Variants in ANO4 observed in about 807,000 individuals in gnomAD.
ANO4 encodes anoctamin-4.
ANO4 carries 69 observed loss-of-function variants against 141.9 expected under a neutral mutation model. That is an observed-to-expected ratio of 0.49 (90% confidence interval 0.40 to 0.59). ANO4 has a LOEUF of 0.59. ANO4 is among the 20% of genes least tolerant of loss of function. The pLI, the probability that ANO4 is intolerant of heterozygous loss-of-function variation, is 0.00. For synonymous variants in ANO4, 350 were observed against 394.3 expected, an observed-to-expected ratio of 0.89 and a Z score of 1.33; for missense variants, 894 against 1,162.2, an observed-to-expected ratio of 0.77 and a Z score of 3.36.
At chr12:100,760,843 G>A (rs2032826992) in intron 3 of ANO4, among the ~76,000 whole-genome samples, 2 of 152,138 alleles carry the variant, frequency 1.3e-5, no homozygotes, top group Admixed American at 1.3e-4. Context: ...CTTGCCATCT[G>A]TACCTTTTGG....
chr12:101,016,729 A>G (rs530200520), intron 8 of ANO4, among the ~76,000 whole-genome samples: 38 of 152,344 alleles, frequency 2.5e-4, no homozygotes, highest in African/African-American at 8.2e-4. Context: ...GACAGCTTTC[A>G]TGGAATGTAA....
At position 101,042,422 on chromosome 12, in the gene ANO4, T is replaced by C. The variant is rs2047444201; in HGVS notation, c.1108T>C (p.Phe370Leu). 6.2e-7 allele frequency: 1 copy of C among 1,614,124 alleles called. No homozygotes were observed. The highest frequency in any genetic ancestry group is 2.2e-5 in the East Asian group (1 of 44,880). Residue 370 changes from phenylalanine to leucine, a missense_variant, in exon 12 of 28, where the codon TTT becomes CTT. Coordinates refer to ENST00000392977, the MANE Select transcript of ANO4 (RefSeq NM_001286615.2). Reference protein sequence around the residue: ...MLFPAAFIGLFVFLYGVTTLD... With the variant: ...MLFPAAFIGLLVFLYGVTTLD... ...CTTCCCAGCTGCCTTCATTGGATTG[T>C]TTGTCTTTTTGTATGGCGTCACCAC...
chr12:100,850,067 T>G (rs1859282251), intron 1 of ANO4, among the ~76,000 whole-genome samples: 1 of 152,248 alleles, frequency 6.6e-6, no homozygotes, highest in Admixed American at 6.5e-5. Context: ...AAGCAACCAT[T>G]GAGGCTGAAT....
chr12:101,047,311 C>A (rs1017890442), intron 13 of ANO4, among the ~76,000 whole-genome samples: 1 of 152,012 alleles, frequency 6.6e-6, no homozygotes, highest in Non-Finnish European at 1.5e-5. Context: ...AGTCAAATAC[C>A]GCTAGAACCT....
chr12:100,774,216 G>C (rs1377151625), intron 3 of ANO4, among the ~76,000 whole-genome samples: 1 of 152,076 alleles, frequency 6.6e-6, no homozygotes. Flanking sequence ...GTGAATCTCT[G>C]GTTGAGAAAA....
chr12:100,811,727 AC>A (rs909380929), intron 1 of ANO4, among the ~76,000 whole-genome samples: 1 of 152,124 alleles, frequency 6.6e-6, no homozygotes, highest in African/African-American at 2.4e-5. Flanking sequence ...TGTACAGTAA[AC>A]CATGCACAGT....
chr12:100,771,022 G>A (rs1198350329), intron 3 of ANO4, among the ~76,000 whole-genome samples: 1 of 152,056 alleles, frequency 6.6e-6, no homozygotes, highest in African/African-American at 2.4e-5. Context: ...TTGTATCATT[G>A]AATATGCCGA....
At chr12:101,077,397 C>T (rs1218446322) in intron 14 of ANO4, among the ~76,000 whole-genome samples, 9 of 152,124 alleles carry the variant, frequency 5.9e-5, no homozygotes, top group Admixed American at 6.6e-5. Context: ...ATTCTGTGTC[C>T]TGTGAATCTT....
intron 14 of ANO4, among the ~76,000 whole-genome samples, chr12:101,070,422 G>A (rs1000233204): frequency 1.3e-5 from 2 of 152,244 alleles, no homozygotes; most frequent in Non-Finnish European, 1.5e-5. Context: ...TTGGGGAAAA[G>A]TCTTTTCAAT....
chr12:100,869,224 C>G lies in ANO4; in HGVS notation c.-140-32422C>G, dbSNP rs143432762. The stretch of plus-strand genomic sequence containing the variant: ...ATGCCTTTCGAAACTCATACCTTCT[C>G]TCCTGGCTCCTGCCAATATAGACTG... On this transcript the variant is annotated intron_variant, in intron 1 of 27. Transcript: ENST00000392977. Among the ~76,000 whole-genome samples, 1,197 of 152,332 alleles carry G rather than the reference C, an allele frequency of 7.9e-3. 7 individuals are homozygous for G. Among genetic ancestry groups the G allele is most frequent in the Non-Finnish European group, 0.012 (809 of 68,032 alleles).
intron 1 of ANO4, among the ~76,000 whole-genome samples, chr12:100,838,229 CAAAAAAAA>C (rs11331726): frequency 3.9e-4 from 33 of 84,228 alleles, no homozygotes; most frequent in Non-Finnish European, 6.1e-4. Flanking sequence ...GACTCCGTCT[CAAAAAAAA>C]AAAAAAAAAA....
chr12:100,979,069 A>G (rs1281849960), intron 7 of ANO4, among the ~76,000 whole-genome samples: 1 of 152,154 alleles, frequency 6.6e-6, no homozygotes, highest in African/African-American at 2.4e-5. Context: ...GAAAATCTGC[A>G]TTAATGGGAT....
At chr12:100,874,476 A>G (rs1320425011) in intron 1 of ANO4, among the ~76,000 whole-genome samples, 1 of 152,196 alleles carries the variant, frequency 6.6e-6, no homozygotes, top group African/African-American at 2.4e-5. Flanking sequence ...GATATGAGAC[A>G]TGAAGTCAAA....
chr12:100,730,712 T>C (rs1210199392), intron 1 of ANO4, among the ~76,000 whole-genome samples: 2 of 152,164 alleles, frequency 1.3e-5, no homozygotes, highest in African/African-American at 2.4e-5. Context: ...AGTGCTATTA[T>C]TGGAGGTGTG....
chr12:100,837,869 T>G (rs567844881), intron 1 of ANO4, among the ~76,000 whole-genome samples: 1 of 152,294 alleles, frequency 6.6e-6, no homozygotes, highest in South Asian at 2.1e-4. Context: ...AGCATGAGGT[T>G]GTCTGATACA....
intron 3 of ANO4, among the ~76,000 whole-genome samples, chr12:100,770,036 C>T (rs1293496629): frequency 2.0e-5 from 3 of 152,230 alleles, no homozygotes; most frequent in African/African-American, 7.2e-5. Flanking sequence ...CAATAAAACA[C>T]GTTATATTAC....
Position 101,067,069 on chromosome 12 carries a change from A to G in ANO4, c.1313-12124A>G, listed in dbSNP as rs142408348. On this transcript the variant is annotated intron_variant, in intron 14 of 27. Transcript: ENST00000392977. ...TGTGAGTGTTTTAGAAAATCAAATA[A>G]GCTAGTTCTTTCTGCCTTGCTATTC... 6.4e-4 allele frequency: 278 copies of G among 435,998 alleles called. 2 individuals are homozygous for G. Among genetic ancestry groups the G allele is most frequent in the South Asian group, 4.2e-3 (116 of 27,616 alleles). The allele number at this position is 435,998 out of a possible 1,614,324, so 27.0% of individuals were successfully genotyped here.
Position 100,959,343 on chromosome 12 carries a change from T to G in ANO4, c.457-11963T>G, listed in dbSNP as rs187385345. On this transcript the variant is annotated intron_variant, in intron 5 of 27. Coordinates refer to ENST00000392977, the MANE Select transcript of ANO4 (RefSeq NM_001286615.2). ...TTCCTCTATCTCTCCTGCATCATCA[T>G]TTTTCCTCTCTACTCAGTTGTTACA... Among the ~76,000 whole-genome samples, 562 of 152,218 alleles carry G rather than the reference T, an allele frequency of 3.7e-3. 6 individuals carry two copies. Among genetic ancestry groups the G allele is most frequent in the African/African-American group, 0.013 (537 of 41,536 alleles).
At chr12:101,056,996 C>T (rs915995186) in intron 14 of ANO4, among the ~76,000 whole-genome samples, 1 of 150,984 alleles carries the variant, frequency 6.6e-6, no homozygotes, top group East Asian at 1.9e-4. Flanking sequence ...TAATGCTTTC[C>T]CTCCCCGATC....
Sources: gnomAD v4.1 joint callset for allele counts (sites outside exome capture counted in the v4.1 genomes callset) on GRCh38, gnomAD v4.1.1 for gene constraint, MANE v1.5 for transcripts, NCBI Gene and HGNC (gene_info 2026-07-23, HGNC 2026-07-21) for gene names.